NRG3: variants seen among roughly 807,000 people sequenced by gnomAD.
NRG3 encodes neuregulin 3.
NRG3 carries 31 observed loss-of-function variants against 66.9 expected under a neutral mutation model. That is an observed-to-expected ratio of 0.46 (90% CI 0.35 to 0.63). The LOEUF (loss-of-function observed/expected upper bound fraction) is 0.63. NRG3 is among the 20% of genes least tolerant of loss of function. The pLI is 0.00. For missense variants in NRG3, 910 were observed against 878.9 expected (o/e 1.04, Z -0.45); for synonymous variants, 393 against 359.4 (o/e 1.09, Z -1.06).
chr10:82,104,500 T>A (rs1309019959), intron 1 of NRG3, among the ~76,000 whole-genome samples: 1 of 152,210 alleles, frequency 6.6e-6, no homozygotes, highest in South Asian at 2.1e-4. Flanking sequence ...TCAAGAACTT[T>A]GTTGCCACTA....
chr10:82,867,144 A>G (rs1231012766), intron 4 of NRG3, among the ~76,000 whole-genome samples: 2 of 152,196 alleles, frequency 1.3e-5, no homozygotes, highest in Non-Finnish European at 2.9e-5. Flanking sequence ...TTATTTCCTG[A>G]TACTACTTTT....
chr10:81,939,605 G>T (rs565823595), intron 1 of NRG3, among the ~76,000 whole-genome samples: 1 of 151,442 alleles, frequency 6.6e-6, no homozygotes, highest in African/African-American at 2.4e-5. Flanking sequence ...TGTGGCATCA[G>T]TTGTAATGCC....
chr10:82,656,178 AAAAT>A (rs2051837637), intron 2 of NRG3, among the ~76,000 whole-genome samples: 2 of 152,282 alleles, frequency 1.3e-5, no homozygotes, highest in East Asian at 1.9e-4. Context: ...TACACAAGTT[AAAAT>A]AAATAACTGC....
intron 6 of NRG3, among the ~76,000 whole-genome samples, chr10:82,962,668 A>G (rs1564670691): frequency 6.6e-6 from 1 of 151,996 alleles, no homozygotes; most frequent in South Asian, 2.1e-4. Flanking sequence ...GTGAAACCCC[A>G]TCTCTACTGA....
intron 1 of NRG3, among the ~76,000 whole-genome samples, chr10:82,146,523 T>C (rs947962026): frequency 1.3e-5 from 2 of 152,138 alleles, no homozygotes; most frequent in African/African-American, 2.4e-5. Context: ...CGTAAAGGCA[T>C]GTTTTCTTCC....
chr10:82,898,317 T>C (rs1362231634), intron 4 of NRG3, among the ~76,000 whole-genome samples: 1 of 152,136 alleles, frequency 6.6e-6, no homozygotes, highest in African/African-American at 2.4e-5. Flanking sequence ...TAAATCCTTC[T>C]CTCAGAGTCC....
chr10:82,928,454 G>C (rs1432822540), intron 4 of NRG3, among the ~76,000 whole-genome samples: 1 of 152,020 alleles, frequency 6.6e-6, no homozygotes, highest in Non-Finnish European at 1.5e-5. Context: ...TTTTCTTCTA[G>C]GGTTTTTATA....
At chr10:82,544,610 G>A (rs1418268475) in intron 2 of NRG3, among the ~76,000 whole-genome samples, 1 of 152,138 alleles carries the variant, frequency 6.6e-6, no homozygotes, top group Non-Finnish European at 1.5e-5. Context: ...TAAGCAGGTG[G>A]TTTCAGCAGG....
chr10:82,106,758 G>A (rs1358297571), intron 1 of NRG3, among the ~76,000 whole-genome samples: 1 of 151,966 alleles, frequency 6.6e-6, no homozygotes, highest in African/African-American at 2.4e-5. Flanking sequence ...CGCCTGCCTC[G>A]GCCTCCAAAA....
chr10:82,856,756 C>CAAAAAAAAAAAAAAAAAAAAAAAA (rs67224862), intron 3 of NRG3, among the ~76,000 whole-genome samples: 6 of 107,500 alleles, frequency 5.6e-5, no homozygotes, highest in African/African-American at 7.3e-5. Flanking sequence ...AAAAAAAAAA[C>CAAAAAAAAAAAAAAAAAAAAAAAA]AAAAAAAAAA....
Position 82,112,080 on chromosome 10 carries a change from T to TA in NRG3, c.823+235925dup, listed in dbSNP as rs532431180. On this transcript the variant is annotated intron_variant, in intron 1 of 8. Transcript: ENST00000372141. ...CAATATAACAAGACCCCTGTCACTG[T>TA]AAAAAAAATAAAAAACAGCTGGGCA... Among the ~76,000 whole-genome samples, 610 of 151,550 alleles carry TA rather than the reference T, an allele frequency of 4.0e-3. 2 individuals are homozygous for TA. The highest frequency in any genetic ancestry group is 0.014 in the African/African-American group (580 of 41,316).
At chr10:81,937,146 A>G (rs563258943) in intron 1 of NRG3, among the ~76,000 whole-genome samples, 43 of 152,304 alleles carry the variant, frequency 2.8e-4, no homozygotes, top group African/African-American at 9.6e-4. Flanking sequence ...TATTGTATGC[A>G]TAGAAAACGT....
At chr10:81,904,088 C>A (rs1237560241) in intron 1 of NRG3, among the ~76,000 whole-genome samples, 1 of 151,754 alleles carries the variant, frequency 6.6e-6, no homozygotes, top group Non-Finnish European at 1.5e-5. Flanking sequence ...CAGCTCCCTG[C>A]AACCTCTGCT....
chr10:81,896,740 G>A (rs1453105043), intron 1 of NRG3, among the ~76,000 whole-genome samples: 8 of 151,294 alleles, frequency 5.3e-5, no homozygotes, highest in African/African-American at 1.9e-4. Flanking sequence ...AAGGTATTCA[G>A]ATAAGTTAAT....
At chr10:82,232,531 T>G in intron 1 of NRG3, 1 of 509,628 alleles carries the variant, frequency 2.0e-6, no homozygotes, top group Non-Finnish European at 3.6e-6. Context: ...CAGATCTCAT[T>G]TTGCTGTCTT....
intron 3 of NRG3, among the ~76,000 whole-genome samples, chr10:82,797,129 G>A (rs1007681793): frequency 3.3e-5 from 5 of 152,108 alleles, no homozygotes; most frequent in Admixed American, 6.5e-5. Flanking sequence ...ACTCCATTGC[G>A]TTCGACACTG....
chr10:82,978,948 A>T lies in NRG3; in HGVS notation c.1413-2A>T, dbSNP rs1384861361. 3 of 1,613,302 alleles carry T rather than the reference A, an allele frequency of 1.9e-6. No homozygotes were observed. The Admixed American group carries it at 5.0e-5, about 27-fold the overall frequency. On this transcript the variant is annotated splice_acceptor_variant, in intron 7 of 8. Transcript: ENST00000372141. LOFTEE classifies it high-confidence loss of function. The stretch of plus-strand genomic sequence containing the variant: ...TTGTCTGTTTTCATTCCACCCCAGC[A>T]GGAGTCTATCCTCTTGCTGCAGCCC...
rs144823539 is a variant in NRG3, at chr10:82,656,559, C to T, written c.954-82018C>T. Among the ~76,000 whole-genome samples, 623 of 152,030 alleles carry T rather than the reference C, an allele frequency of 4.1e-3. 7 individuals are homozygous for T. The highest frequency in any genetic ancestry group is 0.014 in the African/African-American group (600 of 41,478). ...CCTAAAGAACCACTCCTGTTTTTCC[C>T]CTTCCCAAATCTTTAGTTCTCTAGC... On this transcript the variant is annotated intron_variant, in intron 2 of 8. Transcript: ENST00000372141.
rs11192157 is a variant in NRG3, at chr10:82,011,688, C to G, written c.823+135525C>G. Among the ~76,000 whole-genome samples, 119 of 152,268 alleles carry G rather than the reference C, an allele frequency of 7.8e-4. 2 individuals are homozygous for G. The East Asian group carries it at 0.021, about 27-fold the overall frequency. On this transcript the variant is annotated intron_variant, in intron 1 of 8. Coordinates refer to ENST00000372141, the MANE Select transcript of NRG3 (RefSeq NM_001010848.4). ...TCCAAATGGGAGAAATTGGCCAAAA[C>G]ATAGAGACTACAGTCCCCATGCAAG...
Sources: allele counts gnomAD v4.1 joint callset (sites outside exome capture counted in the v4.1 genomes callset), GRCh38; gene constraint gnomAD v4.1.1; transcripts MANE v1.5; gene names NCBI Gene and HGNC (gene_info 2026-07-23, HGNC 2026-07-21).